MEGF6: variants seen among roughly 807,000 people sequenced by gnomAD.
MEGF6 encodes the protein multiple EGF like domains 6, also known as multiple epidermal growth factor-like domains protein 6.
In MEGF6, 184 loss-of-function variants were observed where a neutral mutation model predicts 207.1. The observed-to-expected ratio is 0.89, with a 90% CI of 0.79 to 1.00. The LOEUF is 1.00. Among genes scored for constraint, MEGF6 ranks in the 50% least tolerant of loss-of-function variants. MEGF6 has a pLI of 0.00. For synonymous variants in MEGF6, 1,038 were observed against 910.0 expected (o/e 1.14, Z -2.53); for missense variants, 2,282 against 2,202.9 (o/e 1.04, Z -0.72).
chr1:3,544,955 C>T lies in MEGF6; in HGVS notation c.482-20709G>A, dbSNP rs527367011. 3.9e-5 allele frequency among the ~76,000 whole-genome samples: 6 copies of T among 152,310 alleles called. No individual in the cohort carries two copies. The South Asian group carries it at 1.2e-3, about 32-fold the overall frequency. On this transcript the variant is annotated intron_variant, in intron 4 of 36. Transcript: ENST00000356575. ...ACTCGGGTCACCGGACAGTGACCCGCCCTTTGCTCCCTACCCCAGCTGGGT... is the reference window on the plus strand; with the variant it reads ...ACTCGGGTCACCGGACAGTGACCCGTCCTTTGCTCCCTACCCCAGCTGGGT...
intron 1 of MEGF6, among the ~76,000 whole-genome samples, chr1:3,608,962 G>A (rs529163296): frequency 9.2e-5 from 14 of 152,352 alleles, no homozygotes; most frequent in Middle Eastern, 6.8e-3. Context: ...CGCTGCCTCC[G>A]ACAGCGTCTC....
Position 3,579,923 on chromosome 1 carries a change from C to A in MEGF6, c.383G>T (p.Cys128Phe). The part of the protein sequence containing the change: ...PDEEGCLSAE[C>F]SASLCFHGGR... ...ACCGTGAAAACAGAGGCTGGCGCTG[C>A]ATTCAGCTGCGGAGGGAAGGAGAAA... The change falls in exon 4 of 37, where the codon TGC becomes TTC. Residue 128 changes from cysteine to phenylalanine, a missense_variant. Coordinates refer to ENST00000356575, the MANE Select transcript of MEGF6 (RefSeq NM_001409.4). The A allele has an allele frequency of 6.6e-7, 1 of 1,523,904 alleles. No individual in the cohort carries two copies. The highest frequency in any genetic ancestry group is 2.4e-5 in the Admixed American group (1 of 41,754). 94.4% of individuals were successfully genotyped at this position (1,523,904 alleles called of 1,614,324 possible).
At chr1:3,618,289 T>C in the MEGF6 span, among the ~76,000 whole-genome samples, 1 of 152,046 alleles carries the variant, frequency 6.6e-6, no homozygotes, top group East Asian at 1.9e-4. The surrounding 1 kb of genome is among the most constrained non-coding windows in gnomAD (Gnocchi z 4.7). Flanking sequence ...CAACATTCTG[T>C]TTAAGACCTT....
chr1:3,544,804 C>T (rs1199837861), intron 4 of MEGF6, among the ~76,000 whole-genome samples: 4 of 152,224 alleles, frequency 2.6e-5, no homozygotes, highest in African/African-American at 9.6e-5. Flanking sequence ...CACGCAGCAA[C>T]TGGGGAGACA....
At chr1:3,591,813 AGGGGGCTGGT>A (rs1243862502) in intron 3 of MEGF6, among the ~76,000 whole-genome samples, 1 of 87,596 alleles carries the variant, frequency 1.1e-5, no homozygotes, top group Non-Finnish European at 2.5e-5. Flanking sequence ...GGCACCAGCG[AGGGGGCTGGT>A]GGGGGCTGCT....
chr1:3,594,878 C>T lies in MEGF6; in HGVS notation c.376+460G>A, dbSNP rs1341029072. Among the ~76,000 whole-genome samples the T allele has an allele frequency of 1.3e-5, 2 of 152,210 alleles. No individual in the cohort carries two copies. The highest frequency in any genetic ancestry group is 4.8e-5 in the African/African-American group (2 of 41,446). ...GAGAGAGGAAGGAGCGGCTCCCTTA[C>T]ACCCACTGAAGCTGAGGCCCGCCAC... is the stretch of plus-strand genomic sequence containing the variant. On this transcript the variant is annotated intron_variant, in intron 3 of 36. Transcript: ENST00000356575. This position sits in a 1 kb window ranked among gnomAD's most constrained non-coding sequence, Gnocchi z 4.2.
At chr1:3,514,090 T>C (rs1641450201) in intron 7 of MEGF6, among the ~76,000 whole-genome samples, 1 of 151,604 alleles carries the variant, frequency 6.6e-6, no homozygotes, top group Non-Finnish European at 1.5e-5. Context: ...CTTCTAAAAA[T>C]ACGAAAAATT....
chr1:3,543,976 G>A (rs1020622671), intron 4 of MEGF6, among the ~76,000 whole-genome samples: 7 of 152,204 alleles, frequency 4.6e-5, no homozygotes, highest in Non-Finnish European at 7.3e-5. Context: ...GGAGACCCCC[G>A]GCTCTGGCCA....
At position 3,499,192 on chromosome 1, in the gene MEGF6, C is replaced by G; in HGVS notation, c.3040G>C (p.Val1014Leu). Reference protein sequence around the residue: ...ACFNGASCDPVHGQCHCAPGW... With the variant: ...ACFNGASCDPLHGQCHCAPGW... ...GGGGCACAGTGGCACTGCCCGTGGA[C>G]AGGGTCACAGGAGGCCCCGTTAAAG... The change falls in exon 24 of 37, where the codon GTC (valine) becomes CTC (leucine). Residue 1014 changes from valine to leucine, a missense_variant. Physicochemically the swap from Val to Leu is conservative, Grantham distance 32. Transcript: ENST00000356575. The G allele has an allele frequency of 6.2e-7, 1 of 1,603,950 alleles. No individual in the cohort carries two copies. Among genetic ancestry groups the G allele is most frequent in the African/African-American group, 1.3e-5 (1 of 74,942 alleles).
At chr1:3,566,656 A>G (rs529333271) in intron 4 of MEGF6, among the ~76,000 whole-genome samples, 2 of 152,258 alleles carry the variant, frequency 1.3e-5, no homozygotes, top group East Asian at 3.9e-4. Context: ...ACTTCACGCT[A>G]TGAGCCCCCC....
In MEGF6 at chr1:3,594,040, G is replaced by A. The variant is rs1424816646; in HGVS notation, c.376+1298C>T. Among the ~76,000 whole-genome samples the A allele has an allele frequency of 6.6e-6, 1 of 152,148 alleles. No homozygotes were observed. Among genetic ancestry groups the A allele is most frequent in the African/African-American group, 2.4e-5 (1 of 41,436 alleles). On this transcript the variant is annotated intron_variant, in intron 3 of 36. Transcript: ENST00000356575. This position sits in a 1 kb window ranked among gnomAD's most constrained non-coding sequence, Gnocchi z 4.2. ...CTTCCTGTGTGAGAAGAGCCCCTGC[G>A]GCTCCAGGCAACTACCCGCCATAAG...
chr1:3,499,068 G>T, intron 24 of MEGF6, 70 bp downstream of exon 24: 1 of 1,562,810 alleles, frequency 6.4e-7, no homozygotes. Flanking sequence ...GTGTCCTGTG[G>T]GCCCTGCAAG....
intron 2 of MEGF6, among the ~76,000 whole-genome samples, chr1:3,598,578 C>G (rs935359723): frequency 2.0e-5 from 3 of 152,190 alleles, no homozygotes; most frequent in South Asian, 2.1e-4. Flanking sequence ...CTCCATCCCC[C>G]CAAAAGGGAA....
intron 4 of MEGF6, among the ~76,000 whole-genome samples, chr1:3,531,896 G>A (rs1322420007): frequency 6.6e-6 from 1 of 152,218 alleles, no homozygotes; most frequent in South Asian, 2.1e-4. Context: ...GGGTGGGGAA[G>A]ATGGGGAACT....
chr1:3,530,777 T>C (rs1642127685), intron 4 of MEGF6, among the ~76,000 whole-genome samples: 1 of 152,200 alleles, frequency 6.6e-6, no homozygotes, highest in Non-Finnish European at 1.5e-5. Flanking sequence ...GCCAGTGCCA[T>C]GGGGAGCGGG....
At chr1:3,596,695 A>G (rs1570229052) in intron 2 of MEGF6, among the ~76,000 whole-genome samples, 1 of 121,626 alleles carries the variant, frequency 8.2e-6, no homozygotes, top group South Asian at 2.8e-4. Flanking sequence ...TCTCCACCCC[A>G]GGGCACCCCG....
Position 3,592,932 on chromosome 1 carries a change from TC to T in MEGF6, c.376+2405del, listed in dbSNP as rs1644003095. Among the ~76,000 whole-genome samples the T allele has an allele frequency of 2.0e-5, 3 of 151,082 alleles. No homozygotes were observed. In the South Asian group the frequency reaches 6.3e-4, roughly 32 times the overall value. On this transcript the variant is annotated intron_variant, in intron 3 of 36. Coordinates refer to ENST00000356575, the MANE Select transcript of MEGF6 (RefSeq NM_001409.4). ...GACGTGACAACCAGGACCCCCACCC[TC>T]CCCTGCTCCCTGCCCCCAGCCTCAG...
At chr1:3,595,502 G>T (rs1307349328) in intron 2 of MEGF6, 55 bp from the exon 3 acceptor site, 18 of 1,426,864 alleles carry the variant, frequency 1.3e-5, no homozygotes, top group Non-Finnish European at 1.8e-5. Context: ...GCTGTATTCG[G>T]CTCTCACTGC....
At position 3,573,725 on chromosome 1, in the gene MEGF6, G is replaced by A. The variant is rs1643571544; in HGVS notation, c.481+6100C>T. On this transcript the variant is annotated intron_variant, in intron 4 of 36. Transcript: ENST00000356575. The surrounding 1 kb of genome is among the most constrained non-coding windows in gnomAD (Gnocchi z 5.1). ...CACCACTCCCTGGGGCACAGAGTCT[G>A]AGTCTGGCAGCGGCAGCTCCCAGGC... Among the ~76,000 whole-genome samples the A allele has an allele frequency of 6.6e-6, 1 of 152,162 alleles. No homozygotes were observed.
Sources: allele counts gnomAD v4.1 joint callset (sites outside exome capture counted in the v4.1 genomes callset), GRCh38; gene constraint gnomAD v4.1.1; non-coding constraint Gnocchi (gnomAD v3.1); transcripts MANE v1.5; gene names NCBI Gene and HGNC (gene_info 2026-07-23, HGNC 2026-07-21).